Variants in UGT1A7 observed in about 807,000 individuals in gnomAD.
The protein encoded by UGT1A7 is UDP glucuronosyltransferase family 1 member A7, also known as UDP-glucuronosyltransferase 1A7.
UGT1A7 carries 33 observed loss-of-function variants against 45.6 expected under a neutral mutation model. That is an observed-to-expected ratio of 0.72 (90% CI 0.55 to 0.97). The LOEUF (loss-of-function observed/expected upper bound fraction) is 0.97. Among genes scored for constraint, UGT1A7 ranks in the 50% least tolerant of loss-of-function variants. The pLI, the probability that UGT1A7 is intolerant of heterozygous loss-of-function variation, is 0.00. For synonymous variants in UGT1A7, 274 were observed against 250.6 expected, an observed-to-expected ratio of 1.09 and a Z score of -0.88; for missense variants, 684 against 666.2, an observed-to-expected ratio of 1.03 and a Z score of -0.29.
rs552702165 is a variant in UGT1A7, at chr2:233,713,903, C to G, written c.855+31111C>G. The G allele has an allele frequency of 2.5e-6, 4 of 1,612,846 alleles. No homozygotes were observed. The Admixed American group carries it at 6.7e-5, about 27-fold the overall frequency. On this transcript the variant is annotated intron_variant, in intron 1 of 4. Coordinates refer to ENST00000373426, the MANE Select transcript of UGT1A7 (RefSeq NM_019077.3). ...TCCAATCAATGTTCCAGGCAAAACA[C>G]TTTTTAAAAAATGTATTTACTTACA...
chr2:233,692,805 G>A, intron 1 of UGT1A7: 7 of 1,407,880 alleles, frequency 5.0e-6, no homozygotes, highest in Non-Finnish European at 6.5e-6. Context: ...CACGGCCATA[G>A]TTGGTTCATA....
intron 1 of UGT1A7, 85 bp from the exon 2 acceptor site, chr2:233,766,949 G>A: frequency 6.2e-7 from 1 of 1,600,626 alleles, no homozygotes. Context: ...GTCTTAAGAG[G>A]AAGATATCTA....
At chr2:233,724,314 G>A (rs1472414004) in intron 1 of UGT1A7, among the ~76,000 whole-genome samples, 88 of 143,820 alleles carry the variant, frequency 6.1e-4, no homozygotes, top group Middle Eastern at 3.9e-3. Context: ...CCTCCCGGAC[G>A]GGGCGGCTGG....
chr2:233,739,651 G>A (rs1230499129), intron 1 of UGT1A7, among the ~76,000 whole-genome samples: 1 of 152,174 alleles, frequency 6.6e-6, no homozygotes, highest in African/African-American at 2.4e-5. Flanking sequence ...CCCAATTTCT[G>A]TACCCCCATT....
intron 1 of UGT1A7, among the ~76,000 whole-genome samples, chr2:233,698,410 C>G (rs1360939662): frequency 6.6e-6 from 1 of 151,926 alleles, no homozygotes; most frequent in Admixed American, 6.6e-5. Flanking sequence ...GTGACTTCAT[C>G]GCAATAAATT....
At chr2:233,708,251 T>C (rs1238096780) in intron 1 of UGT1A7, among the ~76,000 whole-genome samples, 1 of 152,210 alleles carries the variant, frequency 6.6e-6, no homozygotes, top group African/African-American at 2.4e-5. Flanking sequence ...GTGTACACTT[T>C]CCTTCATATC....
Position 233,767,859 on chromosome 2 carries a change from G to T in UGT1A7, c.998G>T (p.Arg333Leu). Residue 333 changes from arginine (R) to leucine (L), a missense_variant, in exon 3 of 5, where the codon CGG becomes CTG. Arg to Leu is a moderately radical substitution (Grantham distance 102, BLOSUM62 -2). Coordinates refer to ENST00000373426, the MANE Select transcript of UGT1A7 (RefSeq NM_019077.3). ...TTTTGCCCCTCCCAGGTCCTGTGGC[G>T]GTACACTGGAACCCGACCATCGAAT... ...LGKIPQTVLW[R>L]YTGTRPSNLA... 6.2e-7 allele frequency: 1 copy of T among 1,614,058 alleles called. No individual in the cohort carries two copies.
chr2:233,748,523 T>TA (rs988670455), intron 1 of UGT1A7, among the ~76,000 whole-genome samples: 2 of 151,784 alleles, frequency 1.3e-5, no homozygotes, highest in Admixed American at 6.5e-5. Flanking sequence ...TTGCGAATGA[T>TA]AGAGAGGTGA....
At position 233,729,693 on chromosome 2, in the gene UGT1A7, C is replaced by T. The variant is rs45474199; in HGVS notation, c.856-37341C>T. On this transcript the variant is annotated intron_variant, in intron 1 of 4. Coordinates refer to ENST00000373426, the MANE Select transcript of UGT1A7 (RefSeq NM_019077.3). ...ACTTTAAGGGCACACAGTGTCCAAA[C>T]CCTTCCTCCTATATTCCTAGATTAC... 1,325 of 1,613,958 alleles carry T rather than the reference C, an allele frequency of 8.2e-4. 6 individuals carry two copies. Among genetic ancestry groups the T allele is most frequent in the South Asian group, 5.6e-3 (506 of 91,066 alleles).
intron 1 of UGT1A7, among the ~76,000 whole-genome samples, chr2:233,686,935 T>G (rs2074813266): frequency 6.6e-6 from 1 of 152,204 alleles, no homozygotes; most frequent in Non-Finnish European, 1.5e-5. Flanking sequence ...GGCTGACTCA[T>G]GCAGGGAAGC....
chr2:233,694,920 G>A (rs557079279), intron 1 of UGT1A7, among the ~76,000 whole-genome samples: 1 of 152,304 alleles, frequency 6.6e-6, no homozygotes, highest in South Asian at 2.1e-4. Flanking sequence ...TACAATGTGC[G>A]ATGATCAAAT....
chr2:233,689,916 G>C, intron 1 of UGT1A7: 1 of 456,658 alleles, frequency 2.2e-6, no homozygotes, highest in South Asian at 1.5e-5. Context: ...TAGGTGCCTG[G>C]AATTTCCTTC....
chr2:233,697,534 T>C (rs879329254), intron 1 of UGT1A7, among the ~76,000 whole-genome samples: 14 of 151,894 alleles, frequency 9.2e-5, no homozygotes, highest in Admixed American at 5.9e-4. Flanking sequence ...TTTTGTTTCA[T>C]TGGTCTTTGC....
intron 1 of UGT1A7, among the ~76,000 whole-genome samples, chr2:233,688,114 C>T (rs2125539013): frequency 6.6e-6 from 1 of 152,300 alleles, no homozygotes; most frequent in Middle Eastern, 3.4e-3. Context: ...TCTTCTACCC[C>T]TCAGCACTAA....
At chr2:233,717,046 C>T (rs1379018729) in intron 1 of UGT1A7, among the ~76,000 whole-genome samples, 1 of 152,138 alleles carries the variant, frequency 6.6e-6, no homozygotes, top group African/African-American at 2.4e-5. Flanking sequence ...CATGGGCCTC[C>T]GCAGGGTCTA....
chr2:233,728,632 C>G (rs1273558536), intron 1 of UGT1A7, among the ~76,000 whole-genome samples: 1 of 152,160 alleles, frequency 6.6e-6, no homozygotes, highest in Non-Finnish European at 1.5e-5. Context: ...GCTGGCTTAG[C>G]AATGTTGTAT....
chr2:233,744,585 T>G (rs560652902), intron 1 of UGT1A7, among the ~76,000 whole-genome samples: 1 of 151,910 alleles, frequency 6.6e-6, no homozygotes, highest in Non-Finnish European at 1.5e-5. Context: ...CGTTTTACAG[T>G]TTTTGCATCT....
chr2:233,719,094 G>T, intron 1 of UGT1A7: 7 of 1,614,206 alleles, frequency 4.3e-6, no homozygotes, highest in Non-Finnish European at 5.9e-6. Context: ...ATTTGATCGC[G>T]TTACGCTGGG....
At chr2:233,709,223 G>A (rs546469798) in intron 1 of UGT1A7, among the ~76,000 whole-genome samples, 3 of 152,258 alleles carry the variant, frequency 2.0e-5, no homozygotes, top group Non-Finnish European at 4.4e-5. Flanking sequence ...TGAGAGTTTG[G>A]GGGAGGGGTG....
Sources: gnomAD v4.1 joint callset for allele counts (sites outside exome capture counted in the v4.1 genomes callset) on GRCh38, gnomAD v4.1.1 for gene constraint, MANE v1.5 for transcripts, NCBI Gene and HGNC (gene_info 2026-07-23, HGNC 2026-07-21) for gene names.